Variants in SLIT1 observed in about 807,000 individuals in gnomAD.
SLIT1 encodes slit guidance ligand 1, also known as slit homolog 1 protein.
A neutral mutation model predicts 186.1 loss-of-function variants in SLIT1; 66 were observed. That is an observed-to-expected ratio of 0.35 (90% confidence interval 0.29 to 0.44). The LOEUF (loss-of-function observed/expected upper bound fraction) is 0.44, where lower values mean the gene tolerates loss of function less well. Ranked by LOEUF, SLIT1 falls within the 20% of genes least tolerant of loss-of-function variation. SLIT1 has a pLI of 1.00. For missense variants in SLIT1, 1,638 were observed against 2,037.4 expected (o/e 0.80, Z 3.77); for synonymous variants, 761 against 833.8 (o/e 0.91, Z 1.50).
At chr10:97,164,921 G>A (rs775322167) in intron 1 of SLIT1, 31 bp from the exon 2 acceptor site, 24 of 1,558,670 alleles carry the variant, frequency 1.5e-5, no homozygotes, top group Non-Finnish European at 8.8e-7. Context: ...GGAAGCAGTG[G>A]GGTGAGCAGG....
At chr10:97,003,058 G>C (rs1335986092) in intron 34 of SLIT1, 66 bp from the exon 35 acceptor site, 5 of 1,510,666 alleles carry the variant, frequency 3.3e-6, no homozygotes, top group African/African-American at 2.7e-5. Context: ...ACCCACCCCT[G>C]AGGTCTGGGC....
chr10:97,105,222 C>G (rs1465334823), intron 4 of SLIT1, among the ~76,000 whole-genome samples: 1 of 152,162 alleles, frequency 6.6e-6, no homozygotes, highest in African/African-American at 2.4e-5. Flanking sequence ...AATCTGATGA[C>G]CACTCAGTTC....
At chr10:97,169,157 C>T (rs2784918) in intron 1 of SLIT1, among the ~76,000 whole-genome samples, 1 of 152,028 alleles carries the variant, frequency 6.6e-6, no homozygotes, top group African/African-American at 2.4e-5. Flanking sequence ...CACAGCCTCT[C>T]CCCTGGGGGC....
intron 23 of SLIT1, among the ~76,000 whole-genome samples, chr10:97,031,899 C>T (rs1201960978): frequency 3.3e-5 from 5 of 152,272 alleles, no homozygotes; most frequent in African/African-American, 1.2e-4. Context: ...GTTCCCCCGA[C>T]TGTAAAATAG....
Position 97,040,268 on chromosome 10 carries a change from C to T in SLIT1, c.2165-148G>A, listed in dbSNP as rs1008327382. On this transcript the variant is annotated intron_variant, in intron 20 of 36. Coordinates refer to ENST00000266058, the MANE Select transcript of SLIT1 (RefSeq NM_003061.3). ...ATCAGTAAGTCTGTGCACTACACCT[C>T]CCCGCCAGCCACCACCGCCACCAGG... is the stretch of plus-strand genomic sequence containing the variant. 106 of 767,822 alleles carry T rather than the reference C, an allele frequency of 1.4e-4. 1 individual carries two copies. The highest frequency in any genetic ancestry group is 1.9e-4 in the Non-Finnish European group (96 of 516,996). The allele number at this position is 767,822 out of a possible 1,614,324, so 47.6% of individuals were successfully genotyped here.
In SLIT1 at chr10:97,040,133, G is replaced by T. The variant is rs1848677877; in HGVS notation, c.2165-13C>A. The T allele has an allele frequency of 2.6e-6, 4 of 1,544,178 alleles. No homozygotes were observed. The highest frequency in any genetic ancestry group is 1.7e-6 in the Non-Finnish European group (2 of 1,147,114). ...CCCTCCTCCTGGCCTAGGGAAGAAGGCACGAAGCCCCTGTCAGGGAGGTGG... is the reference window on the plus strand; with the variant it reads ...CCCTCCTCCTGGCCTAGGGAAGAAGTCACGAAGCCCCTGTCAGGGAGGTGG... On this transcript the variant is annotated splice_polypyrimidine_tract_variant and intron_variant, in intron 20 of 36. Transcript: ENST00000266058.
intron 21 of SLIT1, among the ~76,000 whole-genome samples, chr10:97,039,464 C>A (rs1488963454): frequency 6.6e-6 from 1 of 152,128 alleles, no homozygotes; most frequent in Admixed American, 6.6e-5. Flanking sequence ...CTTGGAAGAC[C>A]ATCAGGCAAA....
Position 97,056,461 on chromosome 10 carries a change from G to A in SLIT1, c.1161C>T (p.Leu387=), listed in dbSNP as rs747675829. The A allele has an allele frequency of 1.7e-5, 27 of 1,614,004 alleles. No individual in the cohort carries two copies. Among genetic ancestry groups the A allele is most frequent in the Non-Finnish European group, 2.2e-5 (26 of 1,179,994 alleles). The change falls in exon 13 of 37, where the codon CTC becomes CTT. Residue 387 remains leucine, a synonymous_variant. Coordinates refer to ENST00000266058, the MANE Select transcript of SLIT1 (RefSeq NM_003061.3). ...FGGLYTLQLL[L]LNANKINCIR... ...TGCAGTTGATCTTGTTGGCATTCAGGAGCCTGTGGGCAGAGCCAGGACCAA... is the reference window on the plus strand; with the variant it reads ...TGCAGTTGATCTTGTTGGCATTCAGAAGCCTGTGGGCAGAGCCAGGACCAA...
chr10:97,138,551 T>A (rs1849726370), intron 4 of SLIT1, among the ~76,000 whole-genome samples: 1 of 152,196 alleles, frequency 6.6e-6, no homozygotes, highest in Non-Finnish European at 1.5e-5. Flanking sequence ...AATACATGAG[T>A]TCCAGGCCTT....
chr10:97,170,919 G>A (rs1295040365), intron 1 of SLIT1, among the ~76,000 whole-genome samples: 1 of 152,080 alleles, frequency 6.6e-6, no homozygotes, highest in Non-Finnish European at 1.5e-5. Flanking sequence ...GGGCTGTTCT[G>A]GGGGCTCCTG....
chr10:97,080,903 G>A (rs140677777), intron 4 of SLIT1, among the ~76,000 whole-genome samples: 409 of 152,330 alleles, frequency 2.7e-3, no homozygotes, highest in African/African-American at 8.9e-3. Context: ...CTCCCAGCCC[G>A]GGCTTATGGC....
chr10:97,038,073 C>T (rs1848656605), intron 21 of SLIT1, among the ~76,000 whole-genome samples: 1 of 152,126 alleles, frequency 6.6e-6, no homozygotes, highest in African/African-American at 2.4e-5. Context: ...GGGCCCCTGC[C>T]TTCCCCTCCC....
At chr10:97,091,967 G>C (rs989000522) in intron 4 of SLIT1, among the ~76,000 whole-genome samples, 2 of 152,246 alleles carry the variant, frequency 1.3e-5, no homozygotes, top group African/African-American at 2.4e-5. Context: ...AGGACAAAGG[G>C]CAACCTTGGC....
rs994681409 is a variant in SLIT1, at chr10:97,043,643, A to G, written c.1854-130T>C. The G allele has an allele frequency of 1.1e-6, 1 of 902,966 alleles. No homozygotes were observed. The highest frequency in any genetic ancestry group is 1.7e-6 in the Non-Finnish European group (1 of 591,328). 55.9% of individuals were successfully genotyped at this position (902,966 alleles called of 1,614,324 possible). On this transcript the variant is annotated intron_variant, in intron 18 of 36. Transcript: ENST00000266058. The surrounding 1 kb of genome is among the most constrained non-coding windows in gnomAD (Gnocchi z 7.0). ...ATAGGCTGCGAGCCGCAGAGCCAGG[A>G]ACACGCACCAGCCAGGCCCCGGCCA...
chr10:97,056,501 G>T (rs1171600911), intron 12 of SLIT1, 37 bp from the exon 13 acceptor site: 1 of 1,611,168 alleles, frequency 6.2e-7, no homozygotes. Flanking sequence ...TGAGGAGAGA[G>T]GCTCGACCTG....
Position 97,185,525 on chromosome 10 carries a change from C to G in SLIT1, c.150G>C (p.Thr50=). 1.2e-6 allele frequency: 2 copies of G among 1,612,270 alleles called. No homozygotes were observed. Among genetic ancestry groups the G allele is most frequent in the Non-Finnish European group, 8.5e-7 (1 of 1,179,670 alleles). ...CTGTTVDCHG[T]GLQAIPKNIP... ...TATTCTTGGGAATGGCCTGCAGCCC[C>G]GTGCCGTGGCAGTCCACCGTGGTTC... The change falls in exon 1 of 37, where the codon ACG becomes ACC. Residue 50 remains threonine (T), a synonymous_variant. Coordinates refer to ENST00000266058, the MANE Select transcript of SLIT1 (RefSeq NM_003061.3).
chr10:97,165,965 G>A (rs1850099702), intron 1 of SLIT1, among the ~76,000 whole-genome samples: 1 of 151,940 alleles, frequency 6.6e-6, no homozygotes. Flanking sequence ...GTTCCCCACT[G>A]AGCCCCACAC....
chr10:97,054,509 A>G (rs917052159), intron 13 of SLIT1, among the ~76,000 whole-genome samples: 1 of 152,240 alleles, frequency 6.6e-6, no homozygotes, highest in African/African-American at 2.4e-5. Flanking sequence ...AGGATTGCTA[A>G]TGAATTAATG....
At chr10:97,046,957 C>T (rs1167685022) in intron 17 of SLIT1, 34 bp downstream of exon 17, 1 of 1,579,900 alleles carries the variant, frequency 6.3e-7, no homozygotes, top group South Asian at 1.1e-5. Context: ...GGCCAGCATC[C>T]CAACAGACAC....
Sources: gnomAD v4.1 joint callset for allele counts (sites outside exome capture counted in the v4.1 genomes callset) on GRCh38, gnomAD v4.1.1 for gene constraint, Gnocchi (gnomAD v3.1) non-coding constraint, MANE v1.5 for transcripts, NCBI Gene and HGNC (gene_info 2026-07-23, HGNC 2026-07-21) for gene names.